Variants in CMAS observed in about 807,000 individuals in gnomAD.
CMAS encodes the protein N-acylneuraminate cytidylyltransferase.
A neutral mutation model predicts 53.4 loss-of-function variants in CMAS; 21 were observed. The observed-to-expected ratio is 0.39, with a 90% CI of 0.28 to 0.57. The LOEUF is 0.57. CMAS is among the 20% of genes least tolerant of loss of function. CMAS has a pLI of 0.56. For missense variants in CMAS, 384 were observed against 534.9 expected (o/e 0.72, Z 2.78); for synonymous variants, 189 against 195.2 (o/e 0.97, Z 0.27).
chr12:22,057,008 G>T (rs775410271), intron 3 of CMAS, among the ~76,000 whole-genome samples: 3 of 152,028 alleles, frequency 2.0e-5, no homozygotes, highest in Non-Finnish European at 4.4e-5. Context: ...GAGAGTTCTG[G>T]TCACTACTCT....
At position 22,060,849 on chromosome 12, in the gene CMAS, C is replaced by G; in HGVS notation, c.711C>G (p.Tyr237Ter). ...MGYLQGGKMA[Y>*]YEMRAEHSVD... ...ACCTTTAGGGTGGAAAAATGGCATA[C>G]TACGAAATGCGAGCTGAACATAGTG... The change falls in exon 5 of 8, where the codon TAC (tyrosine) becomes TAG (stop). Residue 237 changes from tyrosine (Y) to a stop codon, truncating the protein, a stop_gained. Coordinates refer to ENST00000229329, the MANE Select transcript of CMAS (RefSeq NM_018686.6). LOFTEE classifies it high-confidence loss of function. The G allele has an allele frequency of 1.9e-6, 3 of 1,608,544 alleles. No individual in the cohort carries two copies. The highest frequency in any genetic ancestry group is 1.7e-6 in the Non-Finnish European group (2 of 1,175,446).
intron 1 of CMAS, among the ~76,000 whole-genome samples, chr12:22,048,901 G>T (rs1006967757): frequency 1.3e-5 from 2 of 152,164 alleles, no homozygotes; most frequent in Non-Finnish European, 2.9e-5. Flanking sequence ...ACTAAGCCCT[G>T]TTAGCACCCC....
At chr12:22,060,475 T>C (rs573360414) in intron 4 of CMAS, among the ~76,000 whole-genome samples, 5 of 150,146 alleles carry the variant, frequency 3.3e-5, no homozygotes, top group African/African-American at 1.2e-4. Context: ...CATAGCAAGA[T>C]CTTATATCTA....
At chr12:22,060,485 A>T (rs971526009) in intron 4 of CMAS, among the ~76,000 whole-genome samples, 1 of 151,828 alleles carries the variant, frequency 6.6e-6, no homozygotes, top group Non-Finnish European at 1.5e-5. Flanking sequence ...TCTTATATCT[A>T]CAAAAAACTT....
chr12:22,057,097 A>G (rs995370024), intron 3 of CMAS, among the ~76,000 whole-genome samples: 2 of 152,130 alleles, frequency 1.3e-5, no homozygotes, highest in African/African-American at 4.8e-5. Context: ...GGTTATTTCA[A>G]ACACTGGGGT....
Position 22,065,346 on chromosome 12 carries a change from C to G in CMAS, c.*35C>G, listed in dbSNP as rs1565533468. ...TAATATTGAGAAAAAAATGATACAG[C>G]CTTCTTCAGCCAGTTTGCTTTTATT... On this transcript the variant is annotated 3_prime_UTR_variant, in exon 8 of 8. Transcript: ENST00000229329. 3 of 1,503,816 alleles carry G rather than the reference C, an allele frequency of 2.0e-6. No homozygotes were observed. Among genetic ancestry groups the G allele is most frequent in the Admixed American group, 1.8e-5 (1 of 56,428 alleles). 93.2% of individuals were successfully genotyped at this position (1,503,816 alleles called of 1,614,324 possible).
chr12:22,058,478 G>C, intron 3 of CMAS, 89 bp from the exon 4 acceptor site: 1 of 1,108,800 alleles, frequency 9.0e-7, no homozygotes, highest in Non-Finnish European at 1.3e-6. Flanking sequence ...TCTGCATTCT[G>C]AGTTCATTTT....
At chr12:22,057,240 T>TACACACACACACACACACACACAC (rs71053372) in intron 3 of CMAS, among the ~76,000 whole-genome samples, 1 of 118,032 alleles carries the variant, frequency 8.5e-6, no homozygotes, top group Non-Finnish European at 1.6e-5. Flanking sequence ...CACACACACA[T>TACACACACACACACACACACACAC]ACACACACAC....
At chr12:22,053,333 A>C (rs1269031463) in intron 1 of CMAS, among the ~76,000 whole-genome samples, 3 of 151,684 alleles carry the variant, frequency 2.0e-5, no homozygotes, top group African/African-American at 7.3e-5. Context: ...CTCAGTAGAT[A>C]TCGAAAGAGT....
Position 22,062,275 on chromosome 12 carries a change from T to G in CMAS, c.961-6T>G. On this transcript the variant is annotated splice_polypyrimidine_tract_variant and splice_region_variant and intron_variant, in intron 6 of 7. Coordinates refer to ENST00000229329, the MANE Select transcript of CMAS (RefSeq NM_018686.6). ...TCCTCCAATCCTTTTTTTTTTTTTT[T>G]TTAAGGTGAGGCTAATCTCAGAAAG... The G allele has an allele frequency of 6.5e-7, 1 of 1,528,826 alleles. No individual in the cohort carries two copies. Among genetic ancestry groups the G allele is most frequent in the Non-Finnish European group, 8.7e-7 (1 of 1,144,192 alleles). The allele number at this position is 1,528,826 out of a possible 1,614,324, so 94.7% of individuals were successfully genotyped here.
chr12:22,064,519 C>T (rs890784149), intron 7 of CMAS, among the ~76,000 whole-genome samples: 1 of 152,024 alleles, frequency 6.6e-6, no homozygotes, highest in African/African-American at 2.4e-5. Context: ...AATTTTGAGA[C>T]AGCTGGGGGT....
At chr12:22,046,925 ACTT>A (rs1950210816) in intron 1 of CMAS, among the ~76,000 whole-genome samples, 1 of 152,198 alleles carries the variant, frequency 6.6e-6, no homozygotes, top group Non-Finnish European at 1.5e-5. Flanking sequence ...TAATATGTGA[ACTT>A]CTTTGGATGG....
Position 22,046,333 on chromosome 12 carries a change from C to T in CMAS, c.30C>T (p.Thr10=). The change falls in exon 1 of 8, where the codon ACC becomes ACT. Residue 10 remains threonine, a synonymous_variant. Transcript: ENST00000229329. MDSVEKGAA[T]SVSNPRGRPS... The stretch of plus-strand genomic sequence containing the variant: ...ACTCGGTGGAGAAGGGGGCCGCCAC[C>T]TCCGTCTCCAACCCGCGGGGGCGAC... 1 of 1,499,804 alleles carries T rather than the reference C, an allele frequency of 6.7e-7. No homozygotes were observed. The allele number at this position is 1,499,804 out of a possible 1,614,324, so 92.9% of individuals were successfully genotyped here. A position where few individuals can be genotyped will look rare whatever the true frequency, so the allele number is the denominator to read the frequency against.
chr12:22,052,894 A>G (rs536231781), intron 1 of CMAS, among the ~76,000 whole-genome samples: 1 of 152,258 alleles, frequency 6.6e-6, no homozygotes, highest in African/African-American at 2.4e-5. Context: ...ATCCCTCTAT[A>G]AATATTAAAG....
intron 1 of CMAS, among the ~76,000 whole-genome samples, chr12:22,053,535 A>T (rs1301308312): frequency 6.6e-6 from 1 of 151,188 alleles, no homozygotes. Flanking sequence ...ATACACACAC[A>T]TACACCAAAG....
intron 1 of CMAS, among the ~76,000 whole-genome samples, chr12:22,051,681 A>T (rs983628778): frequency 1.3e-5 from 2 of 152,220 alleles, no homozygotes; most frequent in Non-Finnish European, 2.9e-5. Flanking sequence ...TTAAGTGTAC[A>T]TATGGGATAC....
chr12:22,061,801 C>T (rs1431931466), intron 6 of CMAS, among the ~76,000 whole-genome samples: 1 of 152,080 alleles, frequency 6.6e-6, no homozygotes, highest in Non-Finnish European at 1.5e-5. Context: ...TAAAATCTAG[C>T]TTATTCTTAT....
intron 5 of CMAS, 100 bp downstream of exon 5, chr12:22,061,026 ATTAC>A (rs1950305804): frequency 2.5e-6 from 2 of 811,708 alleles, no homozygotes; most frequent in Non-Finnish European, 4.1e-6. Context: ...GATCTTTGTA[ATTAC>A]TTTGTTCATG....
chr12:22,061,773 C>T (rs181773578), intron 6 of CMAS, among the ~76,000 whole-genome samples: 95 of 152,168 alleles, frequency 6.2e-4, no homozygotes, highest in African/African-American at 1.9e-3. Flanking sequence ...TAGAAAAGGA[C>T]GATATCCTGT....
Sources: gnomAD v4.1 joint callset for allele counts (sites outside exome capture counted in the v4.1 genomes callset) on GRCh38, gnomAD v4.1.1 for gene constraint, MANE v1.5 for transcripts, NCBI Gene and HGNC (gene_info 2026-07-23, HGNC 2026-07-21) for gene names.